Variants in ZNF608 observed in about 807,000 individuals in gnomAD.
ZNF608 encodes renal carcinoma antigen NY-REN-36.
ZNF608 carries 12 observed loss-of-function variants against 109.0 expected under a neutral mutation model. That is an observed-to-expected ratio of 0.11 (90% CI 0.07 to 0.18). The LOEUF is 0.18. Ranked by LOEUF, ZNF608 falls within the 10% of genes least tolerant of loss-of-function variation. ZNF608 has a pLI of 1.00. For missense variants in ZNF608, 1,707 were observed against 1,879.3 expected (o/e 0.91, Z 1.70); for synonymous variants, 732 against 717.4 (o/e 1.02, Z -0.33).
At chr5:124,684,566 G>T (rs1413958790) in intron 3 of ZNF608, among the ~76,000 whole-genome samples, 1 of 152,154 alleles carries the variant, frequency 6.6e-6, no homozygotes, top group Non-Finnish European at 1.5e-5. Flanking sequence ...GTGGATGGGG[G>T]ATAATGTCAC....
chr5:124,728,181 A>G (rs1027585284), intron 2 of ZNF608, among the ~76,000 whole-genome samples: 6 of 152,116 alleles, frequency 3.9e-5, no homozygotes, highest in Non-Finnish European at 5.9e-5. Flanking sequence ...ACCAGTCCCT[A>G]CCTTTGAATT....
At chr5:124,738,584 CAG>C (rs1221490522) in intron 2 of ZNF608, among the ~76,000 whole-genome samples, 1 of 152,206 alleles carries the variant, frequency 6.6e-6, no homozygotes, top group Non-Finnish European at 1.5e-5. Flanking sequence ...CTTCAAGAAG[CAG>C]AGAGTTTAAA....
chr5:124,640,449 C>T (rs111693747), intron 8 of ZNF608, among the ~76,000 whole-genome samples: 11 of 152,182 alleles, frequency 7.2e-5, no homozygotes, highest in Non-Finnish European at 1.6e-4. Flanking sequence ...GTCATATGAG[C>T]GCACAGCAAG....
intron 3 of ZNF608, among the ~76,000 whole-genome samples, chr5:124,680,449 T>C (rs542996321): frequency 6.6e-6 from 1 of 151,950 alleles, no homozygotes; most frequent in South Asian, 2.1e-4. Context: ...ACCAAGAAAG[T>C]TGGCTGCCAG....
chr5:124,657,943 C>A (rs977521655), intron 3 of ZNF608, among the ~76,000 whole-genome samples: 1 of 152,136 alleles, frequency 6.6e-6, no homozygotes, highest in Non-Finnish European at 1.5e-5. Context: ...GTTAGGCAAA[C>A]ATACATATCC....
At chr5:124,683,486 T>C (rs535674779) in intron 3 of ZNF608, among the ~76,000 whole-genome samples, 18 of 152,302 alleles carry the variant, frequency 1.2e-4, no homozygotes, top group Non-Finnish European at 2.4e-4. Flanking sequence ...AATAAAAAGT[T>C]ACTATAAAAT....
chr5:124,705,366 C>T (rs6860814), intron 2 of ZNF608, among the ~76,000 whole-genome samples: 1 of 152,014 alleles, frequency 6.6e-6, no homozygotes, highest in East Asian at 1.9e-4. Context: ...CAAGTTACCG[C>T]GCTTCTCTTC....
chr5:124,744,206 C>T lies in ZNF608; in HGVS notation c.784G>A (p.Ala262Thr). Residue 262 changes from alanine to threonine, a missense_variant, in exon 2 of 10, where the codon GCT becomes ACT. This residue lies in a region of ZNF608 where 407 missense variants were observed against 398.7 expected (regional missense o/e 1.02). Coordinates refer to ENST00000513986, the MANE Select transcript of ZNF608 (RefSeq NM_020747.3). The surrounding 1 kb of genome is among the most constrained non-coding windows in gnomAD (Gnocchi z 4.5). ...GCACTTTTGCTAACTTCCCCTGCAGCGGCGACGCTGCCACTCCCAGTGCCC... is the reference window on the plus strand; with the variant it reads ...GCACTTTTGCTAACTTCCCCTGCAGTGGCGACGCTGCCACTCCCAGTGCCC... ...CGGTGSGSVA[A>T]AGEVSKSAPD... 1 of 1,613,766 alleles carries T rather than the reference C, an allele frequency of 6.2e-7. No homozygotes were observed. The highest frequency in any genetic ancestry group is 8.5e-7 in the Non-Finnish European group (1 of 1,179,984).
chr5:124,678,195 C>T (rs1398498306), intron 3 of ZNF608, among the ~76,000 whole-genome samples: 1 of 152,086 alleles, frequency 6.6e-6, no homozygotes, highest in Non-Finnish European at 1.5e-5. Flanking sequence ...TTATTCATGC[C>T]TTTTCCACCA....
chr5:124,641,286 GT>G lies in ZNF608; in HGVS notation c.4415del (p.Tyr1472SerfsTer3). On this transcript the variant is annotated frameshift_variant, in exon 8 of 10. Transcript: ENST00000513986. LOFTEE classifies it high-confidence loss of function. ...GGTCATATTGACCCGGGATTAGCGG[GT>G]AACCCATGCCAACGTGGGTGTGGTG... ...THHHTHVGMGYPLIPGQYDPF... is the reference protein window; with the variant it reads ...THHHTHVGMGXPLIPGQYDPF... 1 of 1,613,904 alleles carries G rather than the reference GT, an allele frequency of 6.2e-7. No individual in the cohort carries two copies. The highest frequency in any genetic ancestry group is 1.3e-5 in the African/African-American group (1 of 75,038).
intron 2 of ZNF608, among the ~76,000 whole-genome samples, chr5:124,742,644 G>A (rs1580727386): frequency 6.6e-6 from 1 of 152,132 alleles, no homozygotes; most frequent in African/African-American, 2.4e-5. Context: ...TGACCAAGAG[G>A]ATATGAATTT....
At chr5:124,739,445 C>G (rs773093402) in intron 2 of ZNF608, among the ~76,000 whole-genome samples, 3 of 152,206 alleles carry the variant, frequency 2.0e-5, no homozygotes, top group Non-Finnish European at 4.4e-5. Flanking sequence ...CTGATAAACG[C>G]TGACCAGAGT....
At chr5:124,692,276 T>G (rs1238161236) in intron 3 of ZNF608, among the ~76,000 whole-genome samples, 1 of 152,234 alleles carries the variant, frequency 6.6e-6, no homozygotes, top group African/African-American at 2.4e-5. Flanking sequence ...AGCATATTCC[T>G]GACTAGAAAG....
Position 124,744,073 on chromosome 5 carries a change from CT to C in ZNF608, c.906+10del, listed in dbSNP as rs746738640. On this transcript the variant is annotated intron_variant, in intron 2 of 9. Coordinates refer to ENST00000513986, the MANE Select transcript of ZNF608 (RefSeq NM_020747.3). This position sits in a 1 kb window ranked among gnomAD's most constrained non-coding sequence, Gnocchi z 4.5. ...GAGAGTAGGACATCTAGGAAGGCGA[CT>C]TTATCCTACCTTCTCAGTTTTCAGT... The C allele has an allele frequency of 6.4e-7, 1 of 1,568,956 alleles. No individual in the cohort carries two copies. The highest frequency in any genetic ancestry group is 1.8e-5 in the Admixed American group (1 of 55,522).
intron 2 of ZNF608, among the ~76,000 whole-genome samples, chr5:124,730,051 A>G (rs918872257): frequency 6.6e-6 from 1 of 152,236 alleles, no homozygotes; most frequent in African/African-American, 2.4e-5. Context: ...AATCCAAAGT[A>G]AAATTATTCA....
intron 3 of ZNF608, among the ~76,000 whole-genome samples, chr5:124,689,359 G>A (rs1354702665): frequency 4.6e-5 from 7 of 151,878 alleles, no homozygotes; most frequent in African/African-American, 1.7e-4. Context: ...GGCTGAGAAG[G>A]GAGTATAGCT....
chr5:124,743,315 CT>C (rs1258549669), intron 2 of ZNF608, among the ~76,000 whole-genome samples: 17 of 152,204 alleles, frequency 1.1e-4, no homozygotes, highest in African/African-American at 3.9e-4. Flanking sequence ...CTGTTTTATT[CT>C]TCTTAGCAGC....
At chr5:124,649,352 C>G (rs891772564) in intron 4 of ZNF608, among the ~76,000 whole-genome samples, 1 of 152,210 alleles carries the variant, frequency 6.6e-6, no homozygotes, top group African/African-American at 2.4e-5. Flanking sequence ...GCTCAAGTAG[C>G]TAGCTTCCAA....
chr5:124,720,242 G>T (rs1443172781), intron 2 of ZNF608, among the ~76,000 whole-genome samples: 3 of 152,172 alleles, frequency 2.0e-5, no homozygotes, highest in Non-Finnish European at 4.4e-5. Context: ...TCTCAAAAAG[G>T]AAACTCTTCC....
Sources: gnomAD v4.1 joint callset for allele counts (sites outside exome capture counted in the v4.1 genomes callset) on GRCh38, gnomAD v4.1.1 for gene constraint, gnomAD v4.1.1 regional missense constraint, Gnocchi (gnomAD v3.1) non-coding constraint, MANE v1.5 for transcripts, NCBI Gene and HGNC (gene_info 2026-07-23, HGNC 2026-07-21) for gene names.